Variants in LMNTD1 observed in about 807,000 individuals in gnomAD.
LMNTD1 encodes the protein lamin tail domain-containing protein 1.
In LMNTD1, 35 loss-of-function variants were observed where a neutral mutation model predicts 50.9. The ratio of observed to expected loss-of-function variants is 0.69; its 90% confidence interval spans 0.53 to 0.91. The LOEUF (loss-of-function observed/expected upper bound fraction) is 0.91. Ranked by LOEUF, LMNTD1 falls within the 40% of genes least tolerant of loss-of-function variation. The probability of loss-of-function intolerance (pLI) is 0.00; values close to 1 mark genes in which losing one functional copy is unlikely to be tolerated. For synonymous variants in LMNTD1, 153 were observed against 161.9 expected, an observed-to-expected ratio of 0.94 and a Z score of 0.42; for missense variants, 470 against 475.5, an observed-to-expected ratio of 0.99 and a Z score of 0.11.
intron 9 of LMNTD1, among the ~76,000 whole-genome samples, chr12:25,494,976 T>G (rs1382883947): frequency 6.6e-6 from 1 of 152,156 alleles, no homozygotes; most frequent in Non-Finnish European, 1.5e-5. Flanking sequence ...CTTTGTACCC[T>G]TTGAGCAACA....
intron 1 of LMNTD1, among the ~76,000 whole-genome samples, chr12:25,582,635 C>A (rs967357143): frequency 2.0e-5 from 3 of 152,100 alleles, no homozygotes; most frequent in Non-Finnish European, 2.9e-5. Context: ...AATATGACAA[C>A]CTAAATTTGA....
intron 1 of LMNTD1, among the ~76,000 whole-genome samples, chr12:25,567,626 G>T (rs1944607630): frequency 6.6e-6 from 1 of 152,078 alleles, no homozygotes; most frequent in Non-Finnish European, 1.5e-5. Context: ...GTGACAAGTT[G>T]GTTCTTGCTT....
chr12:25,514,039 T>C (rs1442892179), intron 8 of LMNTD1, among the ~76,000 whole-genome samples: 2 of 152,212 alleles, frequency 1.3e-5, no homozygotes, highest in African/African-American at 2.4e-5. Flanking sequence ...GGTTTTTCTA[T>C]GTGAAACTTG....
intron 6 of LMNTD1, among the ~76,000 whole-genome samples, chr12:25,520,669 G>C (rs549281748): frequency 6.6e-6 from 1 of 152,266 alleles, no homozygotes; most frequent in East Asian, 1.9e-4. Flanking sequence ...AGATGGCTGT[G>C]CAGATACCTT....
chr12:25,601,026 T>C (rs773135438), intron 1 of LMNTD1, among the ~76,000 whole-genome samples: 6 of 151,984 alleles, frequency 3.9e-5, no homozygotes, highest in Non-Finnish European at 8.8e-5. Context: ...CTGTTCACAA[T>C]AGCCAAAACT....
intron 1 of LMNTD1, among the ~76,000 whole-genome samples, chr12:25,602,939 C>G (rs1946011761): frequency 6.6e-6 from 1 of 152,048 alleles, no homozygotes; most frequent in African/African-American, 2.4e-5. Flanking sequence ...TAAATTCACA[C>G]TGAAAAACAT....
chr12:25,535,145 T>C (rs1249133836), intron 4 of LMNTD1, among the ~76,000 whole-genome samples: 1 of 152,162 alleles, frequency 6.6e-6, no homozygotes, highest in Non-Finnish European at 1.5e-5. Flanking sequence ...ATGTTCAAAA[T>C]GTAGAGACAT....
intron 1 of LMNTD1, among the ~76,000 whole-genome samples, chr12:25,636,360 A>G (rs1946834557): frequency 6.6e-6 from 1 of 152,208 alleles, no homozygotes; most frequent in Non-Finnish European, 1.5e-5. Flanking sequence ...AGATATACAA[A>G]TGACCAACAA....
Position 25,550,417 on chromosome 12 carries a change from C to T in LMNTD1, c.90-871G>A, listed in dbSNP as rs116085537. Reference sequence around the variant, plus strand: ...TTGTGGGTGCATGTGTGTATGCATGCGTGTTCAGTGCTTAAATTGTGAACA... The same window carrying T: ...TTGTGGGTGCATGTGTGTATGCATGTGTGTTCAGTGCTTAAATTGTGAACA... On this transcript the variant is annotated intron_variant, in intron 2 of 9. Coordinates refer to ENST00000458174, the MANE Select transcript of LMNTD1 (RefSeq NM_001145728.2). Among the ~76,000 whole-genome samples, 312 of 152,246 alleles carry T rather than the reference C, an allele frequency of 2.0e-3. 1 individual carries two copies. Among genetic ancestry groups the T allele is most frequent in the African/African-American group, 6.9e-3 (287 of 41,546 alleles).
chr12:25,489,253 C>T (rs1938790662), intron 9 of LMNTD1, among the ~76,000 whole-genome samples: 3 of 150,692 alleles, frequency 2.0e-5, no homozygotes, highest in Admixed American at 6.6e-5. Context: ...AGTTTGATCT[C>T]AGACTGCTGT....
intron 2 of LMNTD1, among the ~76,000 whole-genome samples, chr12:25,549,954 C>T (rs529300751): frequency 3.0e-4 from 45 of 152,040 alleles, no homozygotes; most frequent in Non-Finnish European, 5.9e-4. Flanking sequence ...TTTCCCTTTC[C>T]GTTATCATAA....
chr12:25,481,908 T>G (rs188244547), intron 9 of LMNTD1, among the ~76,000 whole-genome samples: 2 of 110,536 alleles, frequency 1.8e-5, no homozygotes, highest in African/African-American at 6.4e-5. Context: ...CACACACACA[T>G]ATAGTGAAAG....
chr12:25,489,001 G>C (rs964369962), intron 9 of LMNTD1, among the ~76,000 whole-genome samples: 11 of 152,316 alleles, frequency 7.2e-5, no homozygotes, highest in South Asian at 4.1e-4. Context: ...ATCTCCAGCT[G>C]TGTGCTGGGA....
chr12:25,553,381 G>C (rs1943889254), upstream of LMNTD1: 1 of 581,078 alleles, frequency 1.7e-6, no homozygotes, highest in Non-Finnish European at 2.6e-6. Flanking sequence ...TGTTGATGCT[G>C]TACCTTCTTT....
At chr12:25,558,497 A>G (rs1187280596) in intron 1 of LMNTD1, among the ~76,000 whole-genome samples, 1 of 152,044 alleles carries the variant, frequency 6.6e-6, no homozygotes, top group Non-Finnish European at 1.5e-5. Context: ...GAAATTTTCA[A>G]TTTTCTTTTT....
chr12:25,624,278 A>G (rs1408508936), intron 1 of LMNTD1, among the ~76,000 whole-genome samples: 1 of 152,234 alleles, frequency 6.6e-6, no homozygotes, highest in Non-Finnish European at 1.5e-5. Flanking sequence ...AAAATTTGCC[A>G]TCAGTCTTAA....
At chr12:25,561,140 C>G (rs964015406) in intron 1 of LMNTD1, among the ~76,000 whole-genome samples, 1 of 152,130 alleles carries the variant, frequency 6.6e-6, no homozygotes, top group African/African-American at 2.4e-5. Context: ...GTCTCTATCT[C>G]CTTCAGTTCT....
intron 1 of LMNTD1, among the ~76,000 whole-genome samples, chr12:25,629,845 A>G (rs1946675489): frequency 6.6e-6 from 1 of 152,194 alleles, no homozygotes; most frequent in African/African-American, 2.4e-5. Flanking sequence ...AGTTGAAAAG[A>G]GTCCTCATGG....
At chr12:25,511,556 TAA>T (rs1205904195) in intron 8 of LMNTD1, among the ~76,000 whole-genome samples, 1 of 152,212 alleles carries the variant, frequency 6.6e-6, no homozygotes, top group Non-Finnish European at 1.5e-5. Context: ...GGGCTGGAGA[TAA>T]AGAGTTTGGA....
Sources: gnomAD v4.1 joint callset for allele counts (sites outside exome capture counted in the v4.1 genomes callset) on GRCh38, gnomAD v4.1.1 for gene constraint, MANE v1.5 for transcripts, NCBI Gene and HGNC (gene_info 2026-07-23, HGNC 2026-07-21) for gene names.